TSC22D1: variants seen among roughly 807,000 people sequenced by gnomAD.
TSC22D1 encodes TSC22 domain family member 1, also known as TSC22 domain family protein 1.
Under a neutral mutation model 74.2 loss-of-function variants are expected in TSC22D1, and 9 were observed. The observed-to-expected ratio is 0.12, with a 90% confidence interval of 0.07 to 0.21. The LOEUF is 0.21. Ranked by LOEUF, TSC22D1 falls within the 10% of genes least tolerant of loss-of-function variation. The pLI, the probability that TSC22D1 is intolerant of heterozygous loss-of-function variation, is 1.00. For synonymous variants in TSC22D1, 586 were observed against 492.5 expected (o/e 1.19, Z -2.51); for missense variants, 1,427 against 1,304.7 (o/e 1.09, Z -1.44).
intron 1 of TSC22D1, among the ~76,000 whole-genome samples, chr13:44,506,223 G>T (rs1440386108): frequency 1.3e-5 from 2 of 152,176 alleles, no homozygotes; most frequent in Non-Finnish European, 2.9e-5. Context: ...ATTTAAATAT[G>T]GTCCCAGAAG....
At position 44,575,987 on chromosome 13, in the gene TSC22D1, G is replaced by C. The variant is rs1884208293; in HGVS notation, c.88C>G (p.Arg30Gly). The C allele has an allele frequency of 1.9e-6, 3 of 1,599,160 alleles. No individual in the cohort carries two copies. The highest frequency in any genetic ancestry group is 2.3e-5 in the East Asian group (1 of 44,172). ...GCGCTGCCACTACCGCTGCCCCTTCGAGGGAACATTGCCGGGTGCGCCATC... is the reference window on the plus strand; with the variant it reads ...GCGCTGCCACTACCGCTGCCCCTTCCAGGGAACATTGCCGGGTGCGCCATC... ...RKMAHPAMFP[R>G]RGSGSGSASA... Residue 30 changes from arginine (R) to glycine (G), a missense_variant, in exon 1 of 3, where the codon CGA (arginine) becomes GGA (glycine). Around this residue, in one of 3 missense-constraint regions of TSC22D1, gnomAD observed 1,343 missense variants for 1,191.5 expected, o/e 1.13. Coordinates refer to ENST00000458659, the MANE Select transcript of TSC22D1 (RefSeq NM_183422.4).
intron 1 of TSC22D1, among the ~76,000 whole-genome samples, chr13:44,515,038 G>C (rs1005936685): frequency 6.6e-6 from 1 of 152,060 alleles, no homozygotes; most frequent in Admixed American, 6.6e-5. Context: ...CTAGTGGGAG[G>C]GTAATCTGGT....
At chr13:44,497,938 C>T (rs1879044843) in intron 1 of TSC22D1, among the ~76,000 whole-genome samples, 2 of 152,066 alleles carry the variant, frequency 1.3e-5, no homozygotes, top group African/African-American at 4.8e-5. Flanking sequence ...TATGAAGCTC[C>T]TTATCCTAGC....
At chr13:44,499,841 C>T (rs1432063303) in intron 1 of TSC22D1, among the ~76,000 whole-genome samples, 1 of 152,098 alleles carries the variant, frequency 6.6e-6, no homozygotes, top group Non-Finnish European at 1.5e-5. Context: ...AATCACAGCA[C>T]TTTGGGAGGC....
upstream of TSC22D1, chr13:44,576,536 C>A: frequency 6.5e-6 from 1 of 154,792 alleles, no homozygotes; most frequent in Non-Finnish European, 1.4e-5. Flanking sequence ...CAGCGCCAAG[C>A]AAATGTCGCC....
intron 1 of TSC22D1, among the ~76,000 whole-genome samples, chr13:44,476,484 A>T (rs921824894): frequency 2.0e-5 from 3 of 152,116 alleles, no homozygotes; most frequent in African/African-American, 4.8e-5. Context: ...GCTCTATTTT[A>T]AAAAAAGAAA....
At chr13:44,450,897 C>T (rs928105892) in intron 1 of TSC22D1, among the ~76,000 whole-genome samples, 6 of 152,112 alleles carry the variant, frequency 3.9e-5, no homozygotes, top group Admixed American at 6.6e-5. Flanking sequence ...TGGAGCTGGG[C>T]GGCCACACAC....
chr13:44,451,170 T>C (rs1876099333), intron 1 of TSC22D1, among the ~76,000 whole-genome samples: 1 of 152,240 alleles, frequency 6.6e-6, no homozygotes, highest in Admixed American at 6.5e-5. Flanking sequence ...AAAGCTCATG[T>C]GGATGGCAGC....
chr13:44,447,490 G>A (rs1362586846), intron 1 of TSC22D1, among the ~76,000 whole-genome samples: 1 of 151,754 alleles, frequency 6.6e-6, no homozygotes, highest in African/African-American at 2.4e-5. Context: ...TCTTAGAACT[G>A]TTGAGTTTGT....
Position 44,575,324 on chromosome 13 carries a change from C to T in TSC22D1, c.751G>A (p.Gly251Ser), listed in dbSNP as rs372301285. 1.2e-5 allele frequency: 20 copies of T among 1,614,046 alleles called. No homozygotes were observed. In the African/African-American group the frequency reaches 1.6e-4, roughly 13 times the overall value. Reference sequence around the variant, plus strand: ...GATACTGGGCTTGAGGGTGGCCCACCAGTAATGGATGCACTGGCCACAGCA... The same window carrying T: ...GATACTGGGCTTGAGGGTGGCCCACTAGTAATGGATGCACTGGCCACAGCA... ...HVAVASASIT[G>S]GPPSSPVSRK... The change falls in exon 1 of 3, where the codon GGT becomes AGT. Residue 251 changes from glycine (G) to serine (S), a missense_variant. This residue lies in a region of TSC22D1 where 1,343 missense variants were observed against 1,191.5 expected (regional missense o/e 1.13). Transcript: ENST00000458659.
At chr13:44,496,315 T>C (rs1457344770) in intron 1 of TSC22D1, among the ~76,000 whole-genome samples, 1 of 151,950 alleles carries the variant, frequency 6.6e-6, no homozygotes, top group Non-Finnish European at 1.5e-5. Flanking sequence ...TGGGAGGCTA[T>C]TGCTTAGGCC....
chr13:44,475,471 A>C (rs1355613498), intron 1 of TSC22D1, among the ~76,000 whole-genome samples: 1 of 151,816 alleles, frequency 6.6e-6, no homozygotes, highest in Non-Finnish European at 1.5e-5. Flanking sequence ...AAAGCAAAAA[A>C]AAAAAAAAAT....
At chr13:44,491,698 T>C (rs936194110) in intron 1 of TSC22D1, among the ~76,000 whole-genome samples, 6 of 152,004 alleles carry the variant, frequency 3.9e-5, no homozygotes, top group East Asian at 1.9e-4. Context: ...TTAACAGATA[T>C]AAATAACATG....
rs1253978876 is a variant in TSC22D1 at position 44,575,339 on chromosome 13, T to C, written c.736A>G (p.Ser246Gly). 3.1e-6 allele frequency: 5 copies of C among 1,614,182 alleles called. No homozygotes were observed. The highest frequency in any genetic ancestry group is 4.2e-6 in the Non-Finnish European group (5 of 1,180,018). ...HHHPSHVAVA[S>G]ASITGGPPSS... ...GGTGGCCCACCAGTAATGGATGCAC[T>C]GGCCACAGCAACATGAGATGGATGG... Residue 246 changes from serine to glycine, a missense_variant, in exon 1 of 3, where the codon AGT (serine) becomes GGT (glycine). Transcript: ENST00000458659.
intron 2 of TSC22D1, 41 bp from the exon 3 acceptor site, chr13:44,434,924 T>C: frequency 3.3e-6 from 5 of 1,524,790 alleles, no homozygotes; most frequent in Non-Finnish European, 4.5e-6. Flanking sequence ...TTATTTGGTA[T>C]TTTCTGGACT....
intron 1 of TSC22D1, among the ~76,000 whole-genome samples, chr13:44,472,152 T>C (rs1429871270): frequency 6.6e-6 from 1 of 152,176 alleles, no homozygotes; most frequent in Non-Finnish European, 1.5e-5. Flanking sequence ...TTATCAGAGG[T>C]ATGTATGTAT....
chr13:44,488,820 A>G (rs986379782), intron 1 of TSC22D1, among the ~76,000 whole-genome samples: 1 of 152,216 alleles, frequency 6.6e-6, no homozygotes, highest in Admixed American at 6.5e-5. Flanking sequence ...ACTATATTAA[A>G]GAGACTGAAA....
chr13:44,509,950 C>CAAAAAAAAAAAAAAAAAAAAAATAAAAA, intron 1 of TSC22D1, among the ~76,000 whole-genome samples: 2 of 51,428 alleles, frequency 3.9e-5, no homozygotes, highest in African/African-American at 7.5e-5. Context: ...AGAAAATAAG[C>CAAAAAAAAAAAAAAAAAAAAAATAAAAA]AAAAAAAAAA....
intron 1 of TSC22D1, among the ~76,000 whole-genome samples, chr13:44,493,515 T>A (rs1878819064): frequency 6.6e-6 from 1 of 152,192 alleles, no homozygotes; most frequent in Non-Finnish European, 1.5e-5. Context: ...ACACAAAAGA[T>A]ATGCTGCAGC....
Sources: gnomAD v4.1 joint callset for allele counts (sites outside exome capture counted in the v4.1 genomes callset) on GRCh38, gnomAD v4.1.1 for gene constraint, gnomAD v4.1.1 regional missense constraint, MANE v1.5 for transcripts, NCBI Gene and HGNC (gene_info 2026-07-23, HGNC 2026-07-21) for gene names.